The following GALNT17 variants were observed in gnomAD, a reference collection of about 807,000 sequenced individuals.
The protein encoded by GALNT17 is polypeptide N-acetylgalactosaminyltransferase 17.
In GALNT17, 29 loss-of-function variants were observed where a neutral mutation model predicts 63.7. That is an observed-to-expected ratio of 0.46 (90% CI 0.34 to 0.62). GALNT17 has a LOEUF of 0.62. Among genes scored for constraint, GALNT17 ranks in the 20% least tolerant of loss-of-function variants. The pLI, the probability that GALNT17 is intolerant of heterozygous loss-of-function variation, is 0.01. For missense variants in GALNT17, 603 were observed against 799.6 expected, an observed-to-expected ratio of 0.75 and a Z score of 2.97; for synonymous variants, 305 against 318.3, an observed-to-expected ratio of 0.96 and a Z score of 0.45.
intron 5 of GALNT17, among the ~76,000 whole-genome samples, chr7:71,533,652 C>A (rs974871372): frequency 6.6e-6 from 1 of 152,142 alleles, no homozygotes; most frequent in Non-Finnish European, 1.5e-5. Flanking sequence ...GCTATAGGTT[C>A]GCTTTGCATG....
intron 6 of GALNT17, among the ~76,000 whole-genome samples, chr7:71,642,673 T>C (rs1444315345): frequency 6.6e-6 from 1 of 152,032 alleles, no homozygotes; most frequent in East Asian, 1.9e-4. Flanking sequence ...CCGTCTCTAC[T>C]AAAAATACAA....
At chr7:71,176,159 G>C (rs1261590944) in intron 1 of GALNT17, among the ~76,000 whole-genome samples, 1 of 151,934 alleles carries the variant, frequency 6.6e-6, no homozygotes, top group Non-Finnish European at 1.5e-5. Flanking sequence ...GAGGGCGAGT[G>C]GGGAGGAGGA....
intron 6 of GALNT17, among the ~76,000 whole-genome samples, chr7:71,631,341 G>A (rs991455629): frequency 6.6e-6 from 1 of 151,794 alleles, no homozygotes; most frequent in Non-Finnish European, 1.5e-5. Context: ...TGATGGACAT[G>A]CATGACCACA....
chr7:71,405,915 A>T (rs924916999), intron 3 of GALNT17, among the ~76,000 whole-genome samples: 3 of 152,194 alleles, frequency 2.0e-5, no homozygotes, highest in African/African-American at 7.2e-5. Flanking sequence ...CCGTTTTCTC[A>T]TCTGTAAAAT....
intron 5 of GALNT17, among the ~76,000 whole-genome samples, chr7:71,515,565 C>G (rs938248436): frequency 2.6e-5 from 4 of 152,114 alleles, no homozygotes; most frequent in Non-Finnish European, 5.9e-5. Context: ...TGATTAGACC[C>G]TGGATAGCAC....
chr7:71,350,949 T>C lies in GALNT17; in HGVS notation c.422+15216T>C, dbSNP rs570982874. On this transcript the variant is annotated intron_variant, in intron 2 of 10. Transcript: ENST00000333538. ...TAAGGCCAGGAGTTTAAGATCAGCA[T>C]GGCCAACATGGCAAAATCTCATCTC... Among the ~76,000 whole-genome samples, 6 of 152,320 alleles carry C rather than the reference T, an allele frequency of 3.9e-5. No individual in the cohort carries two copies. The South Asian group carries it at 8.3e-4, about 21-fold the overall frequency.
chr7:71,638,132 G>A (rs1406603341), intron 6 of GALNT17, among the ~76,000 whole-genome samples: 1 of 152,194 alleles, frequency 6.6e-6, no homozygotes, highest in Non-Finnish European at 1.5e-5. Context: ...TTTGTAAACT[G>A]TTATGGCATT....
At chr7:71,488,243 A>G (rs1787945661) in intron 5 of GALNT17, among the ~76,000 whole-genome samples, 2 of 151,712 alleles carry the variant, frequency 1.3e-5, no homozygotes, top group African/African-American at 4.8e-5. Context: ...CAATGAGATA[A>G]GGAGCCCAGG....
chr7:71,218,533 G>T (rs1008400294), intron 1 of GALNT17, among the ~76,000 whole-genome samples: 2 of 152,070 alleles, frequency 1.3e-5, no homozygotes, highest in Admixed American at 1.3e-4. Flanking sequence ...TTGATTCTAA[G>T]TTCAAAGTAG....
intron 1 of GALNT17, among the ~76,000 whole-genome samples, chr7:71,175,293 TTATC>T (rs1192668430): frequency 2.0e-5 from 3 of 152,340 alleles, no homozygotes; most frequent in African/African-American, 7.2e-5. Flanking sequence ...CATCTATCTA[TTATC>T]TATCTGTCTC....
intron 2 of GALNT17, among the ~76,000 whole-genome samples, chr7:71,358,397 AAAAT>A (rs987125400): frequency 8.5e-5 from 13 of 152,312 alleles, no homozygotes; most frequent in Admixed American, 5.9e-4. Flanking sequence ...TCTGTCTCAA[AAAAT>A]AAATAAATAA....
intron 2 of GALNT17, among the ~76,000 whole-genome samples, chr7:71,358,036 C>G (rs952262369): frequency 6.6e-5 from 10 of 152,150 alleles, no homozygotes; most frequent in African/African-American, 2.4e-4. Context: ...GCAACCCGCT[C>G]GGGTCCCCTT....
intron 3 of GALNT17, among the ~76,000 whole-genome samples, chr7:71,412,780 C>T (rs142279168): frequency 4.6e-4 from 70 of 152,214 alleles, no homozygotes; most frequent in African/African-American, 1.6e-3. Flanking sequence ...TGGTGGCTCA[C>T]GCCTGTAATC....
chr7:71,244,829 A>G (rs1404330377), intron 1 of GALNT17, among the ~76,000 whole-genome samples: 2 of 152,078 alleles, frequency 1.3e-5, no homozygotes, highest in African/African-American at 2.4e-5. Context: ...GCACACCTGT[A>G]GTTCTAGTTG....
chr7:71,429,385 G>A (rs1786819382), intron 5 of GALNT17, among the ~76,000 whole-genome samples: 1 of 152,190 alleles, frequency 6.6e-6, no homozygotes, highest in Non-Finnish European at 1.5e-5. Context: ...AAAATCATTT[G>A]TTAAGAGTGA....
chr7:71,316,633 G>T (rs566530118), intron 1 of GALNT17, among the ~76,000 whole-genome samples: 2 of 152,108 alleles, frequency 1.3e-5, no homozygotes, highest in African/African-American at 2.4e-5. Context: ...GGGAGGAAAG[G>T]CTGATGGTAC....
chr7:71,158,680 C>T (rs1788282850), intron 1 of GALNT17, among the ~76,000 whole-genome samples: 1 of 151,684 alleles, frequency 6.6e-6, no homozygotes, highest in East Asian at 1.9e-4. Context: ...GGGTTCACAC[C>T]ATTCTCCTAC....
chr7:71,368,642 T>C (rs1001466256), intron 2 of GALNT17, among the ~76,000 whole-genome samples: 1 of 152,174 alleles, frequency 6.6e-6, no homozygotes, highest in South Asian at 2.1e-4. Flanking sequence ...TATTTTTTTC[T>C]TAAGGAGCTG....
At chr7:71,448,424 C>A (rs143422955) in intron 5 of GALNT17, among the ~76,000 whole-genome samples, 3,962 of 151,842 alleles carry the variant, frequency 0.026, 67 homozygotes, top group Non-Finnish European at 0.043. Flanking sequence ...GGGTGTTGAA[C>A]CATCCTTGTG....
Sources: allele counts gnomAD v4.1 joint callset (sites outside exome capture counted in the v4.1 genomes callset), GRCh38; gene constraint gnomAD v4.1.1; transcripts MANE v1.5; gene names NCBI Gene and HGNC (gene_info 2026-07-23, HGNC 2026-07-21).